Variants in IAH1 observed in about 807,000 individuals in gnomAD.
IAH1 encodes the protein isoamyl acetate-hydrolyzing esterase 1 homolog.
In IAH1, 24 loss-of-function variants were observed where a neutral mutation model predicts 26.7. The ratio of observed to expected loss-of-function variants is 0.90; its 90% CI spans 0.65 to 1.26. The LOEUF (loss-of-function observed/expected upper bound fraction) is 1.26. Ranked by LOEUF, IAH1 falls within the 50% of genes most tolerant of loss-of-function variation. The pLI, the probability that IAH1 is intolerant of heterozygous loss-of-function variation, is 0.00. For synonymous variants in IAH1, 140 were observed against 118.5 expected (o/e 1.18, Z -1.18); for missense variants, 300 against 299.9 (o/e 1.00, Z 0.00).
chr2:9,474,842 T>C lies in IAH1; in HGVS notation c.81+195T>C, dbSNP rs1572824448. The C allele has an allele frequency of 1.9e-6, 1 of 514,110 alleles. No homozygotes were observed. 31.8% of individuals were successfully genotyped at this position (514,110 alleles called of 1,614,324 possible). A position where few individuals can be genotyped will look rare whatever the true frequency, so the allele number is the denominator to read the frequency against. On this transcript the variant is annotated intron_variant, in intron 1 of 5. Coordinates refer to ENST00000497473, the MANE Select transcript of IAH1 (RefSeq NM_001039613.3). The surrounding 1 kb of genome is among the most constrained non-coding windows in gnomAD (Gnocchi z 4.3). ...TTCCGGGCCCGCGGCGTCCCGGAGG[T>C]CACGACGGCGTCCGCGAGAGCCCGG...
the IAH1 span, chr2:9,505,072 A>C: frequency 7.5e-7 from 1 of 1,333,784 alleles, no homozygotes; most frequent in Admixed American, 2.0e-5. Flanking sequence ...CACCCCTTTC[A>C]GTTGATTCTA....
intron 1 of IAH1, chr2:9,475,284 C>G: frequency 9.4e-7 from 1 of 1,059,922 alleles, no homozygotes; most frequent in Non-Finnish European, 1.3e-6. Flanking sequence ...ACAGGACTTG[C>G]TTCACCAGGC....
chr2:9,496,048 A>T (rs374547692), intron 6 of IAH1, among the ~76,000 whole-genome samples: 1 of 151,938 alleles, frequency 6.6e-6, no homozygotes, highest in African/African-American at 2.4e-5. Flanking sequence ...TCCTCACTCC[A>T]CTGTATGGAT....
At chr2:9,499,273 A>T (rs1662850301), downstream of IAH1, among the ~76,000 whole-genome samples, 1 of 152,168 alleles carries the variant, frequency 6.6e-6, no homozygotes, top group Non-Finnish European at 1.5e-5. Context: ...AAATTGTTTT[A>T]CTTACGTTTA....
upstream of IAH1, chr2:9,474,481 G>C (rs186382150): frequency 1.7e-5 from 13 of 747,040 alleles, no homozygotes; most frequent in African/African-American, 2.5e-4. The surrounding 1 kb of genome is among the most constrained non-coding windows in gnomAD (Gnocchi z 4.3). Context: ...GGGTGCCCAC[G>C]AGCCCGGCTC....
At chr2:9,508,966 G>A in the IAH1 span, among the ~76,000 whole-genome samples, 1 of 147,978 alleles carries the variant, frequency 6.8e-6, no homozygotes, top group East Asian at 1.9e-4. Flanking sequence ...AAGAAAATGA[G>A]ATGCAGAAAA....
chr2:9,504,932 G>A, the IAH1 span, among the ~76,000 whole-genome samples: 3 of 152,096 alleles, frequency 2.0e-5, no homozygotes, highest in African/African-American at 4.8e-5. Flanking sequence ...TGCCCAGGCT[G>A]TTCTCAAGCA....
chr2:9,483,111 A>G (rs958412896), intron 4 of IAH1, among the ~76,000 whole-genome samples: 2 of 152,232 alleles, frequency 1.3e-5, no homozygotes, highest in Non-Finnish European at 2.9e-5. Flanking sequence ...AATAATATAT[A>G]TGAAATTCTG....
At chr2:9,502,438 C>T in the IAH1 span, among the ~76,000 whole-genome samples, 1 of 152,198 alleles carries the variant, frequency 6.6e-6, no homozygotes, top group Non-Finnish European at 1.5e-5. Context: ...CTAGAGCTAC[C>T]TGCACACACT....
chr2:9,474,256 C>G (rs1682335134), upstream of IAH1, among the ~76,000 whole-genome samples: 1 of 152,166 alleles, frequency 6.6e-6, no homozygotes, highest in Admixed American at 6.5e-5. The surrounding 1 kb of genome is among the most constrained non-coding windows in gnomAD (Gnocchi z 4.3). Context: ...TGAGGTCACA[C>G]TCCTGCCCTT....
At chr2:9,490,234 A>G, downstream of IAH1, 1 of 1,609,176 alleles carries the variant, frequency 6.2e-7, no homozygotes, top group Non-Finnish European at 8.5e-7. Flanking sequence ...TAAAGGAGGC[A>G]GCCTTTTCAC....
downstream of IAH1, among the ~76,000 whole-genome samples, chr2:9,492,323 C>T (rs1455773526): frequency 6.6e-6 from 1 of 152,160 alleles, no homozygotes; most frequent in Non-Finnish European, 1.5e-5. Context: ...TATAAAGGAC[C>T]AGGAGTTCCT....
Position 9,481,362 on chromosome 2 carries a change from C to T in IAH1, c.360C>T (p.Ser120=), listed in dbSNP as rs199940854. ...NLKSMVQYLK[S]VDIPENRVIL... ...AGAGCATGGTGCAGTACCTGAAGTC[C>T]GTGGACATCCCTGAGAATCGAGTCA... The change falls in exon 4 of 6, where the codon TCC becomes TCT. Residue 120 remains serine, a synonymous_variant. Coordinates refer to ENST00000497473, the MANE Select transcript of IAH1 (RefSeq NM_001039613.3). The T allele has an allele frequency of 5.3e-5, 85 of 1,614,166 alleles. No individual in the cohort carries two copies. The East Asian group carries it at 1.8e-3, about 34-fold the overall frequency.
chr2:9,474,077 G>T (rs1324798851), upstream of IAH1, among the ~76,000 whole-genome samples: 1 of 152,148 alleles, frequency 6.6e-6, no homozygotes, highest in African/African-American at 2.4e-5. This position sits in a 1 kb window ranked among gnomAD's most constrained non-coding sequence, Gnocchi z 4.3. Flanking sequence ...GCAGAACCAC[G>T]AGGTACTGCC....
Position 9,475,969 on chromosome 2 carries a change from G to A in IAH1, c.82-18G>A. On this transcript the variant is annotated intron_variant, in intron 1 of 5. Coordinates refer to ENST00000497473, the MANE Select transcript of IAH1 (RefSeq NM_001039613.3). ...GGTTACAGTCATTAGTAGTAATAAT[G>A]GGCTTTTCTTCCTCCAGTTTTCCTT... 6.2e-7 allele frequency: 1 copy of A among 1,611,620 alleles called. No individual in the cohort carries two copies. Among genetic ancestry groups the A allele is most frequent in the African/African-American group, 1.3e-5 (1 of 74,992 alleles).
rs561007761 is a variant in IAH1, at chr2:9,477,743, C to T, written c.135-479C>T. 1.4e-4 allele frequency among the ~76,000 whole-genome samples: 21 copies of T among 151,886 alleles called. No homozygotes were observed. In the East Asian group the frequency reaches 2.5e-3, roughly 18 times the overall value. On this transcript the variant is annotated intron_variant, in intron 2 of 5. Coordinates refer to ENST00000497473, the MANE Select transcript of IAH1 (RefSeq NM_001039613.3). ...TAAGAAGGAAACAAAAAGTATTAAC[C>T]GGTTTAAGTTGAAACACAACGAATG...
At chr2:9,498,313 T>A (rs183832723), downstream of IAH1, among the ~76,000 whole-genome samples, 1 of 152,306 alleles carries the variant, frequency 6.6e-6, no homozygotes, top group East Asian at 1.9e-4. Flanking sequence ...ATGATAGGCA[T>A]GAGCCACTGT....
At position 9,489,014 on chromosome 2, in the gene IAH1, TAAG is replaced by T. The variant is rs1332437824; in HGVS notation, c.*689_*691del. 1.3e-5 allele frequency: 2 copies of T among 152,168 alleles called. No individual in the cohort carries two copies. The highest frequency in any genetic ancestry group is 1.9e-4 in the East Asian group (1 of 5,194). The allele number at this position is 152,168 out of a possible 1,614,324, so 9.4% of individuals were successfully genotyped here. ...CATCCAGAATCCTGGAGCAATAAAG[TAAG>T]AAGTAATTCAAATATCTGCTTGTGG... On this transcript the variant is annotated 3_prime_UTR_variant, in exon 6 of 6. Transcript: ENST00000497473.
chr2:9,479,095 A>G (rs908629285), intron 3 of IAH1, among the ~76,000 whole-genome samples: 4 of 152,142 alleles, frequency 2.6e-5, no homozygotes, highest in Admixed American at 2.0e-4. Context: ...CTGCAGTAAG[A>G]GGAATTCTTG....
Sources: allele counts gnomAD v4.1 joint callset (sites outside exome capture counted in the v4.1 genomes callset), GRCh38; gene constraint gnomAD v4.1.1; non-coding constraint Gnocchi (gnomAD v3.1); transcripts MANE v1.5; gene names NCBI Gene and HGNC (gene_info 2026-07-23, HGNC 2026-07-21).